OLFM3: variants seen among roughly 807,000 people sequenced by gnomAD.
The protein encoded by OLFM3 is noelin-3.
In OLFM3, 20 loss-of-function variants were observed where a neutral mutation model predicts 48.6. The ratio of observed to expected loss-of-function variants is 0.41; its 90% CI spans 0.29 to 0.60. OLFM3 has a LOEUF of 0.60. OLFM3 is among the 20% of genes least tolerant of loss of function. The pLI is 0.28. For synonymous variants in OLFM3, 222 were observed against 198.1 expected (o/e 1.12, Z -1.01); for missense variants, 437 against 544.3 (o/e 0.80, Z 1.96).
At chr1:101,937,864 A>G (rs1459026326) in intron 1 of OLFM3, among the ~76,000 whole-genome samples, 2 of 152,070 alleles carry the variant, frequency 1.3e-5, no homozygotes, top group Non-Finnish European at 2.9e-5. Flanking sequence ...TATTCTAATC[A>G]CTTATTCATC....
intron 3 of OLFM3, among the ~76,000 whole-genome samples, chr1:101,829,017 C>A (rs1284573467): frequency 1.3e-5 from 2 of 152,118 alleles, no homozygotes; most frequent in Non-Finnish European, 2.9e-5. Context: ...AAATTAATTT[C>A]TCCTCCCTTT....
chr1:101,961,779 T>C (rs1296884135), intron 1 of OLFM3, among the ~76,000 whole-genome samples: 1 of 152,238 alleles, frequency 6.6e-6, no homozygotes, highest in African/African-American at 2.4e-5. Context: ...TTCAGGACAC[T>C]GGACATGAAG....
chr1:101,833,325 C>CT (rs1293305278), intron 2 of OLFM3, among the ~76,000 whole-genome samples: 1 of 152,204 alleles, frequency 6.6e-6, no homozygotes, highest in Non-Finnish European at 1.5e-5. Context: ...CTAGAGCTGT[C>CT]TAATTGGCCA....
chr1:101,896,332 G>C (rs1406135379), intron 1 of OLFM3, among the ~76,000 whole-genome samples: 1 of 152,034 alleles, frequency 6.6e-6, no homozygotes, highest in Non-Finnish European at 1.5e-5. Flanking sequence ...AAGTCATTCA[G>C]TTATTATGCA....
chr1:101,888,477 T>C (rs1188555628), intron 1 of OLFM3, among the ~76,000 whole-genome samples: 4 of 152,164 alleles, frequency 2.6e-5, no homozygotes, highest in Non-Finnish European at 4.4e-5. Context: ...ATCCCTTCCT[T>C]ACACCTTATA....
intron 1 of OLFM3, among the ~76,000 whole-genome samples, chr1:101,881,137 T>C (rs1384566663): frequency 2.0e-5 from 3 of 151,904 alleles, no homozygotes; most frequent in African/African-American, 7.2e-5. Context: ...TCATTGAAAA[T>C]CTGCACAATT....
intron 4 of OLFM3, among the ~76,000 whole-genome samples, chr1:101,822,611 A>G (rs1243019840): frequency 1.3e-5 from 2 of 152,188 alleles, no homozygotes; most frequent in African/African-American, 4.8e-5. Flanking sequence ...CAGATATTTT[A>G]TGAGCTAATA....
intron 4 of OLFM3, among the ~76,000 whole-genome samples, chr1:101,821,182 A>G (rs1255050124): frequency 1.3e-5 from 2 of 152,068 alleles, no homozygotes; most frequent in Non-Finnish European, 2.9e-5. Flanking sequence ...TTAGCCTTGG[A>G]GTTCAAGGGT....
In OLFM3 at chr1:101,894,797, A is replaced by T. The variant is rs1284522574; in HGVS notation, c.70-57772T>A. Among the ~76,000 whole-genome samples, 3 of 152,186 alleles carry T rather than the reference A, an allele frequency of 2.0e-5. No homozygotes were observed. In the East Asian group the frequency reaches 5.8e-4, roughly 29 times the overall value. ...AAACAATTCATTCTATAACTGTGTA[A>T]CTTTAAGCATCTTTACACAAATTAT... On this transcript the variant is annotated intron_variant, in intron 1 of 5. Transcript: ENST00000370103.
At chr1:101,967,590 G>GAAAAAAAAAAAAAAATAAA in intron 1 of OLFM3, among the ~76,000 whole-genome samples, 1 of 44,570 alleles carries the variant, frequency 2.2e-5, no homozygotes, top group African/African-American at 1.1e-4. Flanking sequence ...CCTAGTCAGT[G>GAAAAAAAAAAAAAAATAAA]AAAAAAAAAA....
chr1:101,831,450 G>A (rs1259609846), intron 2 of OLFM3, among the ~76,000 whole-genome samples: 1 of 152,164 alleles, frequency 6.6e-6, no homozygotes, highest in Non-Finnish European at 1.5e-5. Context: ...CACATTTTAA[G>A]CCAATGGCAC....
At chr1:101,944,033 G>C (rs571343026) in intron 1 of OLFM3, among the ~76,000 whole-genome samples, 53 of 123,584 alleles carry the variant, frequency 4.3e-4, no homozygotes, top group Admixed American at 1.3e-3. Flanking sequence ...TCCATATCTA[G>C]GTTGTATATA....
At chr1:101,832,839 T>G (rs1655229446) in intron 2 of OLFM3, among the ~76,000 whole-genome samples, 1 of 152,236 alleles carries the variant, frequency 6.6e-6, no homozygotes, top group South Asian at 2.1e-4. Context: ...TCCGAAAGCT[T>G]TATTTTTAAT....
chr1:101,935,688 G>A (rs1280698236), intron 1 of OLFM3, among the ~76,000 whole-genome samples: 1 of 151,868 alleles, frequency 6.6e-6, no homozygotes, highest in East Asian at 1.9e-4. Flanking sequence ...AAAACTACAG[G>A]GAAGTATTTT....
At chr1:101,870,408 G>A (rs1441945094) in intron 1 of OLFM3, among the ~76,000 whole-genome samples, 1 of 152,094 alleles carries the variant, frequency 6.6e-6, no homozygotes, top group Non-Finnish European at 1.5e-5. Context: ...GCTATCACTG[G>A]GACTAGTGGA....
At chr1:101,844,639 TAAG>T (rs1460470954) in intron 1 of OLFM3, among the ~76,000 whole-genome samples, 1 of 152,146 alleles carries the variant, frequency 6.6e-6, no homozygotes, top group Non-Finnish European at 1.5e-5. Context: ...CTAAGATTTC[TAAG>T]GAGATATCTT....
chr1:101,830,241 C>T (rs1655083081), intron 3 of OLFM3, among the ~76,000 whole-genome samples: 1 of 152,014 alleles, frequency 6.6e-6, no homozygotes, highest in South Asian at 2.1e-4. Flanking sequence ...ATTGCCAATA[C>T]AACACTTAAA....
chr1:101,847,328 G>A (rs576145909), intron 1 of OLFM3, among the ~76,000 whole-genome samples: 3 of 151,846 alleles, frequency 2.0e-5, no homozygotes, highest in African/African-American at 7.3e-5. Flanking sequence ...TGGGGTTTGT[G>A]TAAGTATAAT....
intron 1 of OLFM3, among the ~76,000 whole-genome samples, chr1:101,987,434 A>T (rs1220327554): frequency 1.3e-5 from 2 of 152,156 alleles, no homozygotes; most frequent in African/African-American, 4.8e-5. Context: ...GTCTTTAGAG[A>T]GTCTTGAGCC....
Sources: gnomAD v4.1 joint callset for allele counts (sites outside exome capture counted in the v4.1 genomes callset) on GRCh38, gnomAD v4.1.1 for gene constraint, MANE v1.5 for transcripts, NCBI Gene and HGNC (gene_info 2026-07-23, HGNC 2026-07-21) for gene names.